NBAS: variants seen among roughly 807,000 people sequenced by gnomAD.
The protein encoded by NBAS is NBAS subunit of NRZ tethering complex.
Under a neutral mutation model 302.5 loss-of-function variants are expected in NBAS, and 219 were observed. That is an observed-to-expected ratio of 0.72 (90% CI 0.65 to 0.81). The LOEUF (loss-of-function observed/expected upper bound fraction) is 0.81. NBAS is among the 30% of genes least tolerant of loss of function. NBAS has a pLI of 0.00. For synonymous variants in NBAS, 1,118 were observed against 1,021.6 expected (o/e 1.09, Z -1.80); for missense variants, 2,932 against 2,841.6 (o/e 1.03, Z -0.72).
At chr2:15,526,759 T>G (rs1159044459) in intron 9 of NBAS, among the ~76,000 whole-genome samples, 1 of 152,182 alleles carries the variant, frequency 6.6e-6, no homozygotes, top group Non-Finnish European at 1.5e-5. Flanking sequence ...CTTCTGTGGT[T>G]TGATAATATA....
chr2:15,017,605 C>T, the NBAS span, among the ~76,000 whole-genome samples: 47 of 151,638 alleles, frequency 3.1e-4, no homozygotes, highest in African/African-American at 1.0e-3. Context: ...CAAATCAAAA[C>T]CACAATGAAG....
chr2:15,470,563 T>G (rs1212694123), intron 16 of NBAS, among the ~76,000 whole-genome samples: 1 of 152,222 alleles, frequency 6.6e-6, no homozygotes, highest in Non-Finnish European at 1.5e-5. Flanking sequence ...TCATGCTCAG[T>G]GTCTTTTAAT....
chr2:15,561,283 G>A lies in NBAS; in HGVS notation c.22C>T (p.Pro8Ser). 1 of 1,613,552 alleles carries A rather than the reference G, an allele frequency of 6.2e-7. No homozygotes were observed. The highest frequency in any genetic ancestry group is 8.5e-7 in the Non-Finnish European group (1 of 1,180,022). Residue 8 changes from proline (P) to serine (S), a missense_variant, in exon 1 of 52, where the codon CCG (proline) becomes TCG (serine). Physicochemically the swap from Pro to Ser is moderately conservative, Grantham distance 74. Transcript: ENST00000281513. Reference protein sequence around the residue: MAAPESGPALSPGTAEGE... With the variant: MAAPESGSALSPGTAEGE... The stretch of plus-strand genomic sequence containing the variant: ...TCTGCAGTGCCTGGACTCAAAGCCG[G>A]CCCTGACTCGGGGGCCGCCATGTTC...
rs189339799 is a variant in NBAS at position 15,192,314 on chromosome 2, C to A, written c.6433-1911G>T. ...CTATAGAGTATATGCACAGTAAGTA[C>A]TTATTGAGTGAATTAACTAGTGAAT... On this transcript the variant is annotated intron_variant, in intron 48 of 51. Transcript: ENST00000281513. Among the ~76,000 whole-genome samples, 233 of 149,592 alleles carry A rather than the reference C, an allele frequency of 1.6e-3. 2 individuals are homozygous for A. The highest frequency in any genetic ancestry group is 5.6e-3 in the African/African-American group (227 of 40,648).
At chr2:15,397,459 T>C in intron 26 of NBAS, 1 of 490,934 alleles carries the variant, frequency 2.0e-6, no homozygotes, top group South Asian at 2.2e-5. Context: ...GTGGGGGTTG[T>C]GGGGCAGCAC....
chr2:14,991,701 G>A, the NBAS span, among the ~76,000 whole-genome samples: 2 of 152,208 alleles, frequency 1.3e-5, no homozygotes, highest in Non-Finnish European at 2.9e-5. Context: ...TATGGTCCAA[G>A]GACCATCAGC....
At chr2:15,095,553 G>A in the NBAS span, among the ~76,000 whole-genome samples, 2 of 152,220 alleles carry the variant, frequency 1.3e-5, no homozygotes, top group African/African-American at 4.8e-5. Context: ...AGTTCAAGAT[G>A]AGATTTGGGT....
At chr2:14,893,391 A>C in the NBAS span, among the ~76,000 whole-genome samples, 10 of 151,640 alleles carry the variant, frequency 6.6e-5, no homozygotes, top group Non-Finnish European at 1.3e-4. Flanking sequence ...TCTTCTTCCT[A>C]GTTTTTGTTA....
intron 9 of NBAS, among the ~76,000 whole-genome samples, chr2:15,516,113 G>A (rs1662379583): frequency 6.6e-6 from 1 of 152,196 alleles, no homozygotes; most frequent in African/African-American, 2.4e-5. Context: ...AAGCTTGTGA[G>A]AGTTACATGA....
At chr2:14,987,973 T>C in the NBAS span, among the ~76,000 whole-genome samples, 1 of 152,156 alleles carries the variant, frequency 6.6e-6, no homozygotes, top group Non-Finnish European at 1.5e-5. Context: ...GCCAGCTTTC[T>C]CTCCCATTTT....
chr2:15,430,661 C>A (rs1365720525), intron 21 of NBAS, among the ~76,000 whole-genome samples: 4 of 152,162 alleles, frequency 2.6e-5, no homozygotes, highest in African/African-American at 9.7e-5. Flanking sequence ...CAGTCAGAAT[C>A]CAAAGCTTAC....
At chr2:15,122,176 C>T in the NBAS span, among the ~76,000 whole-genome samples, 1 of 151,642 alleles carries the variant, frequency 6.6e-6, no homozygotes, top group East Asian at 1.9e-4. Flanking sequence ...AAGAAATAAC[C>T]CGAGGCTGGA....
At chr2:15,119,303 CT>C in the NBAS span, among the ~76,000 whole-genome samples, 22,017 of 106,894 alleles carry the variant, frequency 0.21, 927 homozygotes, top group South Asian at 0.25. Flanking sequence ...GAAATCCTTT[CT>C]TTTTTTTTTT....
At chr2:15,521,853 G>A (rs1662688790) in intron 9 of NBAS, among the ~76,000 whole-genome samples, 1 of 152,138 alleles carries the variant, frequency 6.6e-6, no homozygotes, top group South Asian at 2.1e-4. Context: ...CAGCCATACT[G>A]TGAATTTTAT....
intron 9 of NBAS, among the ~76,000 whole-genome samples, chr2:15,523,879 A>G (rs1192432485): frequency 6.6e-6 from 1 of 152,208 alleles, no homozygotes; most frequent in Non-Finnish European, 1.5e-5. Flanking sequence ...ACGCCACTGC[A>G]CTCCAGCCTG....
the NBAS span, among the ~76,000 whole-genome samples, chr2:15,014,578 A>T: frequency 2.0e-5 from 3 of 152,128 alleles, no homozygotes; most frequent in African/African-American, 7.2e-5. Flanking sequence ...TCCTCGAAAC[A>T]AATAAAAATA....
At chr2:14,801,263 TTCTC>T in the NBAS span, among the ~76,000 whole-genome samples, 4 of 152,296 alleles carry the variant, frequency 2.6e-5, no homozygotes, top group South Asian at 8.3e-4. Flanking sequence ...TCTGATTTTT[TTCTC>T]TCTCACTCCC....
the NBAS span, among the ~76,000 whole-genome samples, chr2:15,046,931 C>T: frequency 6.6e-6 from 1 of 152,200 alleles, no homozygotes. Context: ...AGACCTATAA[C>T]TGGTCCAGTC....
chr2:14,992,043 T>C, the NBAS span, among the ~76,000 whole-genome samples: 1 of 151,988 alleles, frequency 6.6e-6, no homozygotes, highest in African/African-American at 2.4e-5. Flanking sequence ...GGTGGAGAAG[T>C]GGGAATGGAA....
Sources: allele counts gnomAD v4.1 joint callset (sites outside exome capture counted in the v4.1 genomes callset), GRCh38; gene constraint gnomAD v4.1.1; transcripts MANE v1.5; gene names NCBI Gene and HGNC (gene_info 2026-07-23, HGNC 2026-07-21).